Variants in SPIRE2 observed in about 807,000 individuals in gnomAD.
The protein encoded by SPIRE2 is spire type actin nucleation factor 2, also known as protein spire homolog 2.
In SPIRE2, 76 loss-of-function variants were observed where a neutral mutation model predicts 80.7. The ratio of observed to expected loss-of-function variants is 0.94; its 90% CI spans 0.78 to 1.14. The LOEUF (loss-of-function observed/expected upper bound fraction) is 1.14, where lower values mean the gene tolerates loss of function less well. SPIRE2 is among the 50% of genes most tolerant of loss of function. SPIRE2 has a pLI of 0.00. For missense variants in SPIRE2, 1,196 were observed against 1,015.3 expected, an observed-to-expected ratio of 1.18 and a Z score of -2.42; for synonymous variants, 535 against 432.6, an observed-to-expected ratio of 1.24 and a Z score of -2.94.
At position 89,859,177 on chromosome 16, in the gene SPIRE2, C is replaced by G; in HGVS notation, c.1285C>G (p.Pro429Ala). The change falls in exon 9 of 15, where the codon CCG becomes GCG. Residue 429 changes from proline to alanine, a missense_variant. Coordinates refer to ENST00000378247, the MANE Select transcript of SPIRE2 (RefSeq NM_032451.2). ...GGTGTGTCCACAGGAAGAAGAGTCT[C>G]CGTGTGGGGAGGTGACGCTGAAACG... The part of the protein sequence containing the change: ...EMNTSEEEES[P>A]CGEVTLKRDR... 6.3e-7 allele frequency: 1 copy of G among 1,582,800 alleles called. No homozygotes were observed. The highest frequency in any genetic ancestry group is 8.6e-7 in the Non-Finnish European group (1 of 1,162,312).
At chr16:89,869,821 C>T (rs184129508) in intron 14 of SPIRE2, 139 bp downstream of exon 14, 6 of 747,836 alleles carry the variant, frequency 8.0e-6, no homozygotes, top group South Asian at 3.2e-5. Flanking sequence ...AGAGACGGAT[C>T]GTTGTGTAGG....
intron 1 of SPIRE2, among the ~76,000 whole-genome samples, chr16:89,831,490 T>C (rs7203377): frequency 0.51 from 74,820 of 147,438 alleles, 20,752 homozygotes; most frequent in East Asian, 0.73. Context: ...CTTCGCCTAC[T>C]GGGTTCACGC....
At chr16:89,834,261 C>T (rs1230471909) in intron 1 of SPIRE2, among the ~76,000 whole-genome samples, 2 of 139,498 alleles carry the variant, frequency 1.4e-5, no homozygotes, top group African/African-American at 5.1e-5. Context: ...AAGCATAGCC[C>T]GTGTGAATCT....
intron 1 of SPIRE2, among the ~76,000 whole-genome samples, chr16:89,833,676 G>C (rs2041410676): frequency 6.6e-6 from 1 of 152,224 alleles, no homozygotes; most frequent in African/African-American, 2.4e-5. Flanking sequence ...GGGCACGCCT[G>C]GCTCCGGAAG....
At chr16:89,862,427 T>C (rs1296616621) in intron 10 of SPIRE2, 1 of 152,286 alleles carries the variant, frequency 6.6e-6, no homozygotes, top group Admixed American at 6.5e-5. Context: ...CTCTGAAGTC[T>C]CAGAAGTGCT....
At chr16:89,861,151 G>C (rs552067396) in intron 10 of SPIRE2, among the ~76,000 whole-genome samples, 1 of 152,202 alleles carries the variant, frequency 6.6e-6, no homozygotes, top group African/African-American at 2.4e-5. Flanking sequence ...GACTCTGGCC[G>C]TGACGCCGCC....
At chr16:89,842,208 A>ATTTTTTATTTTTTT (rs2041512519) in intron 1 of SPIRE2, among the ~76,000 whole-genome samples, 1 of 81,306 alleles carries the variant, frequency 1.2e-5, no homozygotes, top group Non-Finnish European at 2.1e-5. Flanking sequence ...TGAACACGTA[A>ATTTTTTATTTTTTT]TTTTTTTTTT....
chr16:89,834,270 CTG>C (rs1322581942), intron 1 of SPIRE2, among the ~76,000 whole-genome samples: 1 of 141,330 alleles, frequency 7.1e-6, no homozygotes, highest in East Asian at 2.0e-4. Context: ...CCGTGTGAAT[CTG>C]TGAACCTGCC....
chr16:89,828,777 G>T lies in SPIRE2; in HGVS notation c.227G>T (p.Arg76Leu). The change falls in exon 1 of 15, where the codon CGG (arginine) becomes CTG (leucine). Residue 76 changes from arginine (R) to leucine (L), a missense_variant. By Grantham distance (102) the Arg-to-Leu change is moderately radical. Transcript: ENST00000378247. This position sits in a 1 kb window ranked among gnomAD's most constrained non-coding sequence, Gnocchi z 5.9. ...LLRGDGSVGA[R>L]EPEAAEPATM... ...CGCGGGGACGGCTCGGTCGGGGCGC[G>T]GGAGCCCGAGGCCGCGGGTGAGGCC... 1 of 1,185,020 alleles carries T rather than the reference G, an allele frequency of 8.4e-7. No homozygotes were observed. The highest frequency in any genetic ancestry group is 3.7e-5 in the East Asian group (1 of 27,282). The allele number at this position is 1,185,020 out of a possible 1,614,324, so 73.4% of individuals were successfully genotyped here. A position where few individuals can be genotyped will look rare whatever the true frequency, so the allele number is the denominator to read the frequency against.
chr16:89,829,148 G>A (rs367812831), intron 1 of SPIRE2, among the ~76,000 whole-genome samples: 11 of 152,300 alleles, frequency 7.2e-5, no homozygotes, highest in South Asian at 4.1e-4. Flanking sequence ...GCCTTTGCTG[G>A]GGCGACTCCT....
At chr16:89,867,390 G>T (rs1295724782) in intron 12 of SPIRE2, among the ~76,000 whole-genome samples, 1 of 151,488 alleles carries the variant, frequency 6.6e-6, no homozygotes, top group Non-Finnish European at 1.5e-5. Flanking sequence ...TGATCCACCT[G>T]CCTTGGCCTC....
At chr16:89,837,617 C>T (rs1305833265) in intron 1 of SPIRE2, among the ~76,000 whole-genome samples, 2 of 152,170 alleles carry the variant, frequency 1.3e-5, no homozygotes, top group African/African-American at 2.4e-5. Context: ...CCTGCAGGAG[C>T]GGAGAAGCGG....
intron 1 of SPIRE2, among the ~76,000 whole-genome samples, chr16:89,829,363 G>T (rs578223691): frequency 2.5e-4 from 38 of 152,326 alleles, no homozygotes; most frequent in Admixed American, 8.5e-4. Context: ...CAACAATTAA[G>T]CCCTAGAAAG....
At chr16:89,870,020 T>A (rs925675512) in intron 14 of SPIRE2, 30 bp from the exon 15 acceptor site, 1 of 1,591,448 alleles carries the variant, frequency 6.3e-7, no homozygotes, top group East Asian at 2.3e-5. Context: ...GGCTGGCTCC[T>A]CTCCCTGAGT....
At chr16:89,848,585 A>T (rs2041587944) in intron 2 of SPIRE2, among the ~76,000 whole-genome samples, 1 of 149,720 alleles carries the variant, frequency 6.7e-6, no homozygotes, top group African/African-American at 2.5e-5. Flanking sequence ...TTTCTGCAGG[A>T]CAGACGAGGC....
At chr16:89,834,701 A>C (rs2041426529) in intron 1 of SPIRE2, among the ~76,000 whole-genome samples, 2 of 126,126 alleles carry the variant, frequency 1.6e-5, no homozygotes, top group South Asian at 5.8e-4. Context: ...TGGCCGTCGT[A>C]GAAGCCTGGA....
chr16:89,836,430 C>A (rs566001085), intron 1 of SPIRE2: 1 of 332,446 alleles, frequency 3.0e-6, no homozygotes, highest in East Asian at 7.6e-5. Flanking sequence ...TCCACTGTCT[C>A]CAGGTATTTC....
rs141604596 is a variant in SPIRE2 at position 89,859,303 on chromosome 16, C to T, written c.1411C>T (p.Arg471Trp). The change falls in exon 9 of 15, where the codon CGG (arginine) becomes TGG (tryptophan). Residue 471 changes from arginine (R) to tryptophan (W), a missense_variant. Transcript: ENST00000378247. ...CCCCCCAGGAGGGACGGAGCCACCA[C>T]GGCCCCGAGCTGGCAGTGCGCATGT... ...THPPGGTEPP[R>W]PRAGSAHVWR... 2.8e-5 allele frequency: 45 copies of T among 1,597,640 alleles called. No homozygotes were observed. The highest frequency in any genetic ancestry group is 9.4e-5 in the African/African-American group (7 of 74,640).
chr16:89,850,054 T>A (rs770065166), intron 2 of SPIRE2: 2 of 623,484 alleles, frequency 3.2e-6, no homozygotes, highest in Non-Finnish European at 5.9e-6. Context: ...GTCAGGCTGG[T>A]CTTGAACTCC....
Sources: gnomAD v4.1 joint callset for allele counts (sites outside exome capture counted in the v4.1 genomes callset) on GRCh38, gnomAD v4.1.1 for gene constraint, Gnocchi (gnomAD v3.1) non-coding constraint, MANE v1.5 for transcripts, NCBI Gene and HGNC (gene_info 2026-07-23, HGNC 2026-07-21) for gene names.